The following AK5 variants were observed in gnomAD, a reference collection of about 807,000 sequenced individuals.
AK5 encodes adenylate kinase 5, also known as adenylate kinase isoenzyme 5.
A neutral mutation model predicts 69.5 loss-of-function variants in AK5; 27 were observed. That is an observed-to-expected ratio of 0.39 (90% CI 0.29 to 0.54). AK5 has a LOEUF of 0.54. AK5 is among the 20% of genes least tolerant of loss of function. AK5 has a pLI of 0.71. For synonymous variants in AK5, 260 were observed against 244.4 expected, an observed-to-expected ratio of 1.06 and a Z score of -0.60; for missense variants, 531 against 700.4, an observed-to-expected ratio of 0.76 and a Z score of 2.73.
intron 10 of AK5, among the ~76,000 whole-genome samples, chr1:77,514,939 C>A (rs200697540): frequency 6.6e-6 from 1 of 152,188 alleles, no homozygotes; most frequent in Non-Finnish European, 1.5e-5. Context: ...GCCCTGATGG[C>A]CTTTTCAGGA....
At chr1:77,368,612 A>G (rs969223277) in intron 6 of AK5, among the ~76,000 whole-genome samples, 5 of 151,954 alleles carry the variant, frequency 3.3e-5, no homozygotes, top group African/African-American at 7.3e-5. Flanking sequence ...ATGGTAAAAA[A>G]TATAGCATAT....
Position 77,410,940 on chromosome 1 carries a change from T to C in AK5, c.892-41T>C, listed in dbSNP as rs777795159. On this transcript the variant is annotated intron_variant, in intron 6 of 13. Transcript: ENST00000354567. ...ATATTTTTGAATTAACTAATTTGTG[T>C]ATTCTCACATTCCAAACTTGTCTGT... The C allele has an allele frequency of 1.0e-5, 15 of 1,505,140 alleles. No individual in the cohort carries two copies. The East Asian group carries it at 3.4e-4, about 34-fold the overall frequency. 93.2% of individuals were successfully genotyped at this position (1,505,140 alleles called of 1,614,324 possible).
intron 6 of AK5, among the ~76,000 whole-genome samples, chr1:77,405,123 C>T (rs1341817641): frequency 6.6e-6 from 1 of 152,194 alleles, no homozygotes; most frequent in Non-Finnish European, 1.5e-5. Context: ...GACATGGTCT[C>T]TCAGCCGTAG....
intron 6 of AK5, among the ~76,000 whole-genome samples, chr1:77,400,439 AT>A (rs1310987338): frequency 6.6e-6 from 1 of 152,218 alleles, no homozygotes; most frequent in Non-Finnish European, 1.5e-5. Context: ...ATTAAAATTG[AT>A]AAAAAATGTA....
At chr1:77,347,826 C>A (rs72679542) in intron 6 of AK5, among the ~76,000 whole-genome samples, 14,223 of 152,166 alleles carry the variant, frequency 0.093, 817 homozygotes, top group East Asian at 0.2. Context: ...CAATCTGTCT[C>A]TGTCATAAGC....
chr1:77,531,763 G>A (rs1013807762), intron 12 of AK5, among the ~76,000 whole-genome samples: 1 of 149,354 alleles, frequency 6.7e-6, no homozygotes, highest in African/African-American at 2.4e-5. Flanking sequence ...CCCTGCGCCC[G>A]CACTCCTCAG....
intron 8 of AK5, among the ~76,000 whole-genome samples, chr1:77,437,838 A>C (rs1652048225): frequency 6.6e-6 from 1 of 152,030 alleles, no homozygotes; most frequent in Non-Finnish European, 1.5e-5. Context: ...GACAAAGCAA[A>C]ATTTTTATGT....
At position 77,431,036 on chromosome 1, in the gene AK5, T is replaced by G. The variant is rs143234926; in HGVS notation, c.1059+13321T>G. Among the ~76,000 whole-genome samples, 90 of 152,116 alleles carry G rather than the reference T, an allele frequency of 5.9e-4. 1 individual carries two copies. The highest frequency in any genetic ancestry group is 3.4e-3 in the Middle Eastern group (1 of 294). On this transcript the variant is annotated intron_variant, in intron 8 of 13. Transcript: ENST00000354567. ...CTGGCATGAGACCAAAAGAGTCTCG[T>G]GTGGGTTAAGACAGAAGGAACATTG...
chr1:77,519,848 T>C (rs1038564763), intron 11 of AK5, among the ~76,000 whole-genome samples: 4 of 152,210 alleles, frequency 2.6e-5, no homozygotes, highest in Non-Finnish European at 5.9e-5. Flanking sequence ...CAACCTGCTT[T>C]ATCAGCAAGG....
chr1:77,381,634 G>A (rs1647641898), intron 6 of AK5, among the ~76,000 whole-genome samples: 2 of 152,088 alleles, frequency 1.3e-5, no homozygotes, highest in Non-Finnish European at 2.9e-5. Context: ...GACTTCACAG[G>A]GGTTTGCTTA....
intron 6 of AK5, among the ~76,000 whole-genome samples, chr1:77,408,982 T>C (rs1349006050): frequency 6.6e-6 from 1 of 152,176 alleles, no homozygotes; most frequent in Admixed American, 6.5e-5. Context: ...TCTTATCGTT[T>C]AGCTCCCACT....
At chr1:77,480,087 A>G (rs1655165891) in intron 8 of AK5, among the ~76,000 whole-genome samples, 1 of 151,656 alleles carries the variant, frequency 6.6e-6, no homozygotes, top group African/African-American at 2.4e-5. Context: ...TATCTTTTTC[A>G]CCAAAACCAG....
At chr1:77,417,389 A>G (rs911993676) in intron 7 of AK5, among the ~76,000 whole-genome samples, 7 of 152,166 alleles carry the variant, frequency 4.6e-5, no homozygotes, top group African/African-American at 1.4e-4. Flanking sequence ...CTGAACCTTT[A>G]ATAATAACTC....
At chr1:77,555,866 A>G (rs536648539) in intron 13 of AK5, among the ~76,000 whole-genome samples, 2 of 152,334 alleles carry the variant, frequency 1.3e-5, no homozygotes, top group Admixed American at 6.5e-5. Flanking sequence ...ACTGCAAAAC[A>G]TTGATGATAA....
At chr1:77,546,379 A>AT (rs1480214451) in intron 13 of AK5, among the ~76,000 whole-genome samples, 1 of 152,182 alleles carries the variant, frequency 6.6e-6, no homozygotes, top group Non-Finnish European at 1.5e-5. Context: ...CTCAGCAGAC[A>AT]TTTACTGGGC....
At chr1:77,475,514 TG>T (rs1654881987) in intron 8 of AK5, among the ~76,000 whole-genome samples, 1 of 99,498 alleles carries the variant, frequency 1.0e-5, no homozygotes, top group Non-Finnish European at 1.9e-5. Context: ...TATATATATA[TG>T]TATATATATT....
At chr1:77,372,639 T>G (rs1183203026) in intron 6 of AK5, among the ~76,000 whole-genome samples, 1 of 152,204 alleles carries the variant, frequency 6.6e-6, no homozygotes, top group African/African-American at 2.4e-5. Context: ...TCACTTTGGA[T>G]ATATAAGGAC....
chr1:77,538,022 T>C (rs1302758050), intron 13 of AK5, among the ~76,000 whole-genome samples: 1 of 152,180 alleles, frequency 6.6e-6, no homozygotes, highest in Non-Finnish European at 1.5e-5. Flanking sequence ...GGCTGCCACA[T>C]TTTAAAAATA....
At chr1:77,414,440 G>C (rs1194437550) in intron 7 of AK5, among the ~76,000 whole-genome samples, 5 of 152,064 alleles carry the variant, frequency 3.3e-5, no homozygotes, top group African/African-American at 1.2e-4. Flanking sequence ...CTAAAACTTT[G>C]AGTTAAAGAT....
Sources: allele counts gnomAD v4.1 joint callset (sites outside exome capture counted in the v4.1 genomes callset), GRCh38; gene constraint gnomAD v4.1.1; transcripts MANE v1.5; gene names NCBI Gene and HGNC (gene_info 2026-07-23, HGNC 2026-07-21).